The following GALNT13 variants were observed in gnomAD, a reference collection of about 807,000 sequenced individuals.
GALNT13 encodes the protein polypeptide N-acetylgalactosaminyltransferase 13.
In GALNT13, 28 loss-of-function variants were observed where a neutral mutation model predicts 64.2. The observed-to-expected ratio is 0.44, with a 90% confidence interval of 0.32 to 0.60. The LOEUF (loss-of-function observed/expected upper bound fraction) is 0.60, where lower values mean the gene tolerates loss of function less well. Ranked by LOEUF, GALNT13 falls within the 20% of genes least tolerant of loss-of-function variation. GALNT13 has a pLI of 0.05. For missense variants in GALNT13, 577 were observed against 669.8 expected, an observed-to-expected ratio of 0.86 and a Z score of 1.53; for synonymous variants, 214 against 224.6, an observed-to-expected ratio of 0.95 and a Z score of 0.42.
intron 11 of GALNT13, among the ~76,000 whole-genome samples, chr2:154,431,039 A>G (rs1700688166): frequency 6.6e-6 from 1 of 152,220 alleles, no homozygotes; most frequent in African/African-American, 2.4e-5. Context: ...CTTGCTTTAA[A>G]TGCGATACTT....
Position 154,342,483 on chromosome 2 carries a change from T to G in GALNT13, c.1156+40894T>G, listed in dbSNP as rs531166085. The stretch of plus-strand genomic sequence containing the variant: ...ATCGAGGCTGCTGTCTGCTTTTGTT[T>G]TGTTTTTTTATGGCCTATGAACTAA... On this transcript the variant is annotated intron_variant, in intron 9 of 12. Coordinates refer to ENST00000392825, the MANE Select transcript of GALNT13 (RefSeq NM_052917.4). Among the ~76,000 whole-genome samples the G allele has an allele frequency of 3.3e-5, 5 of 152,216 alleles. No homozygotes were observed. The East Asian group carries it at 7.7e-4, about 24-fold the overall frequency.
At chr2:154,154,835 A>G (rs1237777719) in intron 4 of GALNT13, among the ~76,000 whole-genome samples, 1 of 152,054 alleles carries the variant, frequency 6.6e-6, no homozygotes, top group Admixed American at 6.6e-5. Flanking sequence ...CTGATTTTCC[A>G]GAATAGGTGA....
chr2:153,260,172 G>A, the GALNT13 span, among the ~76,000 whole-genome samples: 4 of 151,938 alleles, frequency 2.6e-5, no homozygotes, highest in Admixed American at 2.6e-4. Flanking sequence ...TCTATGTCTT[G>A]AAAAGTTACT....
chr2:153,097,918 T>A, the GALNT13 span, among the ~76,000 whole-genome samples: 342 of 152,144 alleles, frequency 2.2e-3, 2 homozygotes, highest in African/African-American at 7.9e-3. Flanking sequence ...ATTCAAAAAT[T>A]AGCTGGGCGT....
At chr2:153,437,525 A>G in the GALNT13 span, among the ~76,000 whole-genome samples, 11 of 152,220 alleles carry the variant, frequency 7.2e-5, no homozygotes, top group East Asian at 1.2e-3. Flanking sequence ...TTGGGTGCAT[A>G]TATATTTAGG....
the GALNT13 span, among the ~76,000 whole-genome samples, chr2:153,449,479 G>A: frequency 2.0e-5 from 3 of 152,096 alleles, no homozygotes; most frequent in East Asian, 1.9e-4. Flanking sequence ...AGTGGAAAGC[G>A]CTCCCTTCCA....
At chr2:154,032,704 C>A (rs1698413857) in intron 3 of GALNT13, among the ~76,000 whole-genome samples, 2 of 151,800 alleles carry the variant, frequency 1.3e-5, no homozygotes, top group South Asian at 4.1e-4. Context: ...AATTCAACAT[C>A]TATTCCTGTT....
the GALNT13 span, among the ~76,000 whole-genome samples, chr2:153,733,710 G>A: frequency 6.6e-6 from 1 of 152,290 alleles, no homozygotes; most frequent in Admixed American, 6.5e-5. Context: ...GTTATTGGCA[G>A]TAACGTGATG....
chr2:154,415,811 G>A (rs1699984133), intron 11 of GALNT13, among the ~76,000 whole-genome samples: 1 of 152,044 alleles, frequency 6.6e-6, no homozygotes, highest in Admixed American at 6.6e-5. Flanking sequence ...TCATTTTAAA[G>A]TTTGCATTTT....
chr2:154,176,158 G>A (rs957233508), intron 4 of GALNT13, among the ~76,000 whole-genome samples: 4 of 151,910 alleles, frequency 2.6e-5, no homozygotes, highest in African/African-American at 9.7e-5. Flanking sequence ...AGAATTTCCG[G>A]TTCTTTGTTA....
intron 4 of GALNT13, among the ~76,000 whole-genome samples, chr2:154,185,045 A>G (rs568226612): frequency 6.6e-6 from 1 of 152,244 alleles, no homozygotes; most frequent in South Asian, 2.1e-4. Context: ...AGGCAGGTCC[A>G]GTGATGATAA....
chr2:153,900,575 C>T (rs1688169341), intron 1 of GALNT13, among the ~76,000 whole-genome samples: 1 of 152,100 alleles, frequency 6.6e-6, no homozygotes, highest in East Asian at 1.9e-4. Flanking sequence ...GAATAATCAC[C>T]TCAACTCTCC....
the GALNT13 span, among the ~76,000 whole-genome samples, chr2:153,790,492 A>T: frequency 5.9e-5 from 9 of 152,220 alleles, no homozygotes; most frequent in Non-Finnish European, 8.8e-5. Context: ...CAAAGCCAAC[A>T]TCATACTGAA....
At chr2:154,366,388 TTAAC>T (rs1182413951) in intron 9 of GALNT13, among the ~76,000 whole-genome samples, 1 of 152,204 alleles carries the variant, frequency 6.6e-6, no homozygotes, top group Non-Finnish European at 1.5e-5. Flanking sequence ...ATATATGTAA[TTAAC>T]ATATTTAATC....
chr2:153,182,892 T>G, the GALNT13 span, among the ~76,000 whole-genome samples: 5 of 152,216 alleles, frequency 3.3e-5, no homozygotes, highest in African/African-American at 1.2e-4. Context: ...TTCCATGTCT[T>G]TGCTATTGTG....
At chr2:153,368,003 A>G in the GALNT13 span, among the ~76,000 whole-genome samples, 1 of 152,148 alleles carries the variant, frequency 6.6e-6, no homozygotes, top group African/African-American at 2.4e-5. Flanking sequence ...CACCAGTTAA[A>G]GCGTAAAGAT....
At chr2:154,289,343 C>G (rs1692467016) in intron 8 of GALNT13, among the ~76,000 whole-genome samples, 1 of 152,188 alleles carries the variant, frequency 6.6e-6, no homozygotes, top group South Asian at 2.1e-4. Flanking sequence ...TTAGTCCATT[C>G]TCACACTGCT....
chr2:153,992,617 C>T (rs1163433500), intron 3 of GALNT13, among the ~76,000 whole-genome samples: 1 of 152,010 alleles, frequency 6.6e-6, no homozygotes, highest in Non-Finnish European at 1.5e-5. Flanking sequence ...AGCTGATTCC[C>T]TAATAAAGGT....
chr2:153,133,014 T>G, the GALNT13 span, among the ~76,000 whole-genome samples: 1 of 151,508 alleles, frequency 6.6e-6, no homozygotes, highest in Non-Finnish European at 1.5e-5. Context: ...TGGGCCACTG[T>G]GCCAGGCCTA....
Sources: gnomAD v4.1 joint callset for allele counts (sites outside exome capture counted in the v4.1 genomes callset) on GRCh38, gnomAD v4.1.1 for gene constraint, MANE v1.5 for transcripts, NCBI Gene and HGNC (gene_info 2026-07-23, HGNC 2026-07-21) for gene names.